The following EYA2 variants were observed in gnomAD, a reference collection of about 807,000 sequenced individuals.
The protein encoded by EYA2 is EYA transcriptional coactivator and phosphatase 2, also known as protein phosphatase EYA2.
Under a neutral mutation model 69.2 loss-of-function variants are expected in EYA2, and 31 were observed. The observed-to-expected ratio is 0.45, with a 90% CI of 0.34 to 0.60. The LOEUF (loss-of-function observed/expected upper bound fraction) is 0.60. Ranked by LOEUF, EYA2 falls within the 20% of genes least tolerant of loss-of-function variation. The pLI is 0.02. For missense variants in EYA2, 622 were observed against 701.2 expected (o/e 0.89, Z 1.28); for synonymous variants, 257 against 279.4 (o/e 0.92, Z 0.80).
chr20:47,131,619 G>A (rs1010798297), intron 9 of EYA2, among the ~76,000 whole-genome samples: 2 of 152,156 alleles, frequency 1.3e-5, no homozygotes, highest in Admixed American at 6.5e-5. Context: ...CAAAGTGGGC[G>A]GTAGGAGATG....
At chr20:47,141,826 G>A (rs2033602729) in intron 9 of EYA2, among the ~76,000 whole-genome samples, 1 of 152,146 alleles carries the variant, frequency 6.6e-6, no homozygotes, top group African/African-American at 2.4e-5. Context: ...ACATATCACT[G>A]GCCAAAGCAA....
At chr20:46,931,530 CA>C (rs1985666025) in intron 1 of EYA2, among the ~76,000 whole-genome samples, 1 of 152,160 alleles carries the variant, frequency 6.6e-6, no homozygotes, top group African/African-American at 2.4e-5. Context: ...TATACCTCCT[CA>C]TAGGGTTGTT....
chr20:47,066,228 A>G (rs1252602112), intron 5 of EYA2, among the ~76,000 whole-genome samples: 1 of 152,056 alleles, frequency 6.6e-6, no homozygotes. Flanking sequence ...GCTACTCAGG[A>G]GGCTAAGGTA....
At chr20:47,117,931 A>G (rs957465521) in intron 9 of EYA2, among the ~76,000 whole-genome samples, 1 of 152,136 alleles carries the variant, frequency 6.6e-6, no homozygotes, top group South Asian at 2.1e-4. Context: ...AAACCTTCCA[A>G]TTTCTCCTGA....
intron 1 of EYA2, among the ~76,000 whole-genome samples, chr20:46,971,931 G>T (rs1239170062): frequency 6.6e-6 from 1 of 152,178 alleles, no homozygotes; most frequent in Non-Finnish European, 1.5e-5. Flanking sequence ...ACACAGGAGT[G>T]ACAAGACAGA....
At chr20:47,006,417 G>T (rs1489090200) in intron 4 of EYA2, among the ~76,000 whole-genome samples, 2 of 152,226 alleles carry the variant, frequency 1.3e-5, no homozygotes, top group African/African-American at 4.8e-5. Context: ...CAGTGGAAAG[G>T]ACGTAGCGTT....
intron 1 of EYA2, among the ~76,000 whole-genome samples, chr20:46,959,780 C>A (rs1328902661): frequency 6.6e-6 from 1 of 152,192 alleles, no homozygotes; most frequent in African/African-American, 2.4e-5. Flanking sequence ...GGCTGGCCAT[C>A]CAGGGCTCAT....
rs1345454628 is a variant in EYA2, at chr20:47,183,144, C to T, written c.1436-147C>T. On this transcript the variant is annotated intron_variant, in intron 14 of 15. Coordinates refer to ENST00000327619, the MANE Select transcript of EYA2 (RefSeq NM_005244.5). Reference sequence around the variant, plus strand: ...TTCATGTGGGGATGATAACAGGGCTCACCTCAGAAGTTTGCTCAAGAACGA... The same window carrying T: ...TTCATGTGGGGATGATAACAGGGCTTACCTCAGAAGTTTGCTCAAGAACGA... 1.1e-5 allele frequency: 8 copies of T among 698,292 alleles called. No homozygotes were observed. In the African/African-American group the frequency reaches 1.4e-4, roughly 12 times the overall value. The allele number at this position is 698,292 out of a possible 1,614,324, so 43.3% of individuals were successfully genotyped here. A position where few individuals can be genotyped will look rare whatever the true frequency, so the allele number is the denominator to read the frequency against.
intron 5 of EYA2, among the ~76,000 whole-genome samples, chr20:47,023,639 T>TTTG (rs377421405): frequency 1.4e-5 from 1 of 70,696 alleles, no homozygotes; most frequent in Non-Finnish European, 4.7e-5. Context: ...GGTGTTTTTT[T>TTTG]TTTTTTTTTT....
intron 1 of EYA2, among the ~76,000 whole-genome samples, chr20:46,978,860 C>G (rs918377349): frequency 6.6e-6 from 1 of 152,164 alleles, no homozygotes; most frequent in African/African-American, 2.4e-5. Flanking sequence ...TAAGAGCAAT[C>G]CTGAGCTTTT....
At chr20:47,100,271 C>T (rs550593438) in intron 9 of EYA2, among the ~76,000 whole-genome samples, 1 of 152,298 alleles carries the variant, frequency 6.6e-6, no homozygotes, top group East Asian at 1.9e-4. Flanking sequence ...ATTGCACAGA[C>T]CAAAACAATC....
intron 5 of EYA2, among the ~76,000 whole-genome samples, chr20:47,023,724 G>T (rs1983911257): frequency 7.4e-6 from 1 of 134,702 alleles, no homozygotes; most frequent in Admixed American, 9.0e-5. Context: ...TGCAACCTCT[G>T]CCTCCAGGGT....
chr20:47,067,954 T>C (rs2031175858), intron 5 of EYA2, among the ~76,000 whole-genome samples: 1 of 152,248 alleles, frequency 6.6e-6, no homozygotes, highest in Admixed American at 6.5e-5. Context: ...TGCCATTTCC[T>C]TCCGGCCTCC....
chr20:47,091,919 G>A (rs1213787993), intron 8 of EYA2, among the ~76,000 whole-genome samples: 6 of 152,156 alleles, frequency 3.9e-5, no homozygotes, highest in East Asian at 1.9e-4. Flanking sequence ...TTCGGTGTCC[G>A]ATTCCAAGAA....
At position 47,016,151 on chromosome 20, in the gene EYA2, G is replaced by A. The variant is rs531965679; in HGVS notation, c.299-30G>A. The A allele has an allele frequency of 3.5e-5, 53 of 1,525,774 alleles. No homozygotes were observed. The South Asian group carries it at 5.1e-4, about 15-fold the overall frequency. 94.5% of individuals were successfully genotyped at this position (1,525,774 alleles called of 1,614,324 possible). A position where few individuals can be genotyped will look rare whatever the true frequency, so the allele number is the denominator to read the frequency against. The stretch of plus-strand genomic sequence containing the variant: ...GACGCATCCTAATCATGTGTCCTTG[G>A]TCCTTTTTTTTCCCCCTCTTCCTTC... On this transcript the variant is annotated intron_variant, in intron 4 of 15. Transcript: ENST00000327619.
At chr20:47,096,102 A>G (rs1369378465) in intron 8 of EYA2, 1 of 152,236 alleles carries the variant, frequency 6.6e-6, no homozygotes, top group Non-Finnish European at 1.5e-5. Context: ...CAGGTATGAT[A>G]CATATATGAA....
At chr20:47,161,634 CT>C in intron 10 of EYA2, 1 of 214,912 alleles carries the variant, frequency 4.7e-6, no homozygotes, top group Non-Finnish European at 9.4e-6. Context: ...CCCGATGCCC[CT>C]GCTGAAGCCT....
At chr20:47,051,271 A>G (rs145942475) in intron 5 of EYA2, among the ~76,000 whole-genome samples, 1 of 152,352 alleles carries the variant, frequency 6.6e-6, no homozygotes, top group Non-Finnish European at 1.5e-5. Context: ...AAACAGCCCC[A>G]TAGGCGGCCA....
intron 1 of EYA2, among the ~76,000 whole-genome samples, chr20:46,933,663 G>A (rs1343778704): frequency 2.4e-4 from 36 of 152,220 alleles, no homozygotes. Context: ...TCACTAGAAC[G>A]AGGGAGGCCG....
Sources: gnomAD v4.1 joint callset for allele counts (sites outside exome capture counted in the v4.1 genomes callset) on GRCh38, gnomAD v4.1.1 for gene constraint, MANE v1.5 for transcripts, NCBI Gene and HGNC (gene_info 2026-07-23, HGNC 2026-07-21) for gene names.